The following CAMKK2 variants were observed in gnomAD, a reference collection of about 807,000 sequenced individuals.
The protein encoded by CAMKK2 is calcium/calmodulin dependent protein kinase kinase 2.
A neutral mutation model predicts 67.2 loss-of-function variants in CAMKK2; 30 were observed. The ratio of observed to expected loss-of-function variants is 0.45; its 90% CI spans 0.33 to 0.61. The LOEUF (loss-of-function observed/expected upper bound fraction) is 0.61. CAMKK2 is among the 20% of genes least tolerant of loss of function. The pLI is 0.02. For missense variants in CAMKK2, 643 were observed against 802.0 expected (o/e 0.80, Z 2.39); for synonymous variants, 322 against 326.2 (o/e 0.99, Z 0.14).
intron 1 of CAMKK2, among the ~76,000 whole-genome samples, chr12:121,275,859 A>G (rs892907110): frequency 6.6e-6 from 1 of 152,102 alleles, no homozygotes; most frequent in Non-Finnish European, 1.5e-5. Context: ...ACATGAACTT[A>G]TATCTCAATT....
upstream of CAMKK2, chr12:121,297,295 C>G: frequency 3.9e-6 from 1 of 257,642 alleles, no homozygotes; most frequent in South Asian, 3.9e-5. Context: ...CGCTAGGCGC[C>G]GGGCGGTGGA....
At chr12:121,252,386 A>G (rs1381085811) in intron 11 of CAMKK2, among the ~76,000 whole-genome samples, 1 of 152,232 alleles carries the variant, frequency 6.6e-6, no homozygotes, top group Non-Finnish European at 1.5e-5. Flanking sequence ...CTCCTGCTTC[A>G]GCCTCCAGAG....
rs115657593 is a variant in CAMKK2 at position 121,241,784 on chromosome 12, T to C, written c.1597-915A>G. Among the ~76,000 whole-genome samples the C allele has an allele frequency of 9.6e-3, 1,463 of 152,352 alleles. 18 individuals carry two copies. The highest frequency in any genetic ancestry group is 0.034 in the African/African-American group (1,398 of 41,582). ...AAGGTCCCTGGGGAGGGGGGCGCTG[T>C]AACTAGACGTTAGGTCAGGCCCTCA... On this transcript the variant is annotated intron_variant, in intron 16 of 16. Transcript: ENST00000404169.
chr12:121,285,486 G>A lies in CAMKK2; in HGVS notation c.-59-10901C>T, dbSNP rs769395337. ...CCACTGCACTCCAGCCTGGGCAACAGAGCAGGACCTTATCTAAAAAAGAAA... is the reference window on the plus strand; with the variant it reads ...CCACTGCACTCCAGCCTGGGCAACAAAGCAGGACCTTATCTAAAAAAGAAA... On this transcript the variant is annotated intron_variant, in intron 1 of 16. Coordinates refer to ENST00000404169, the MANE Select transcript of CAMKK2 (RefSeq NM_001270485.2). This position sits in a 1 kb window ranked among gnomAD's most constrained non-coding sequence, Gnocchi z 4.1. Among the ~76,000 whole-genome samples the A allele has an allele frequency of 1.6e-4, 25 of 152,034 alleles. No individual in the cohort carries two copies. Among genetic ancestry groups the A allele is most frequent in the Non-Finnish European group, 2.8e-4 (19 of 68,012 alleles).
Position 121,247,703 on chromosome 12 carries a change from G to A in CAMKK2, c.1452+903C>T, listed in dbSNP as rs565923309. Among the ~76,000 whole-genome samples, 16 of 152,332 alleles carry A rather than the reference G, an allele frequency of 1.1e-4. No individual in the cohort carries two copies. In the East Asian group the frequency reaches 2.9e-3, roughly 28 times the overall value. On this transcript the variant is annotated intron_variant, in intron 14 of 16. Transcript: ENST00000404169. Reference sequence around the variant, plus strand: ...AGGGCTCAGCTTTGGGAGGAGGAGAGAGGAAGTGTGTGGGGAAGCAGAGAA... The same window carrying A: ...AGGGCTCAGCTTTGGGAGGAGGAGAAAGGAAGTGTGTGGGGAAGCAGAGAA...
At chr12:121,274,805 C>CTTTTTTTTTTTTTTTTTTTTTTTTCT (rs140150523) in intron 1 of CAMKK2, among the ~76,000 whole-genome samples, 1 of 132,920 alleles carries the variant, frequency 7.5e-6, no homozygotes, top group African/African-American at 2.8e-5. Context: ...CTTTTTTTTT[C>CTTTTTTTTTTTTTTTTTTTTTTTTCT]TTTTTTTTTT....
rs1297008029 is a variant in CAMKK2 at position 121,240,100 on chromosome 12, GACT to G, written c.*596_*598del. ...AATTTCAAGCCCTTTCTGTTTTCCT[GACT>G]ACAATTCTACCCATAAAAAATTTAA... On this transcript the variant is annotated 3_prime_UTR_variant, in exon 17 of 17. Transcript: ENST00000404169. The surrounding 1 kb of genome is among the most constrained non-coding windows in gnomAD (Gnocchi z 4.4). The G allele has an allele frequency of 8.0e-6, 2 of 249,602 alleles. No individual in the cohort carries two copies. The highest frequency in any genetic ancestry group is 4.5e-5 in the African/African-American group (2 of 44,390). The allele number at this position is 249,602 out of a possible 1,614,324, so 15.5% of individuals were successfully genotyped here.
chr12:121,287,914 C>T (rs754248751), intron 1 of CAMKK2, among the ~76,000 whole-genome samples: 7 of 152,154 alleles, frequency 4.6e-5, no homozygotes, highest in Non-Finnish European at 1.0e-4. Flanking sequence ...TGGGGCTGTA[C>T]TGAGCTATGA....
intron 1 of CAMKK2, among the ~76,000 whole-genome samples, chr12:121,281,538 T>C (rs1371692515): frequency 1.3e-5 from 2 of 152,240 alleles, no homozygotes; most frequent in Non-Finnish European, 2.9e-5. Flanking sequence ...CATTCATTCA[T>C]TTGTTCTTAC....
At chr12:121,279,537 C>T (rs2136503670) in intron 1 of CAMKK2, among the ~76,000 whole-genome samples, 1 of 152,350 alleles carries the variant, frequency 6.6e-6, no homozygotes, top group South Asian at 2.1e-4. Flanking sequence ...ATCAGGCACC[C>T]AGCACGGAGA....
intron 4 of CAMKK2, 104 bp downstream of exon 4, chr12:121,269,423 TA>T: frequency 2.3e-6 from 2 of 870,962 alleles, no homozygotes; most frequent in Non-Finnish European, 3.7e-6. Context: ...GACCTAAGAA[TA>T]AAATGAGACA....
chr12:121,288,294 G>A (rs922049431), intron 1 of CAMKK2, among the ~76,000 whole-genome samples: 3 of 152,164 alleles, frequency 2.0e-5, no homozygotes, highest in African/African-American at 7.2e-5. Flanking sequence ...AAACCCACAG[G>A]CATCGGTGCC....
chr12:121,240,847 G>A lies in CAMKK2; in HGVS notation c.1619C>T (p.Pro540Leu), dbSNP rs758302519. The A allele has an allele frequency of 1.2e-6, 2 of 1,612,396 alleles. No individual in the cohort carries two copies. Among genetic ancestry groups the A allele is most frequent in the African/African-American group, 2.7e-5 (2 of 74,924 alleles). The change falls in exon 17 of 17, where the codon CCT becomes CTT. Residue 540 changes from proline (P) to leucine (L), a missense_variant. Physicochemically the swap from Pro to Leu is moderately conservative, Grantham distance 98. This residue lies in a region of CAMKK2 where 140 missense variants were observed against 124.2 expected (regional missense o/e 1.13). Coordinates refer to ENST00000404169, the MANE Select transcript of CAMKK2 (RefSeq NM_001270485.2). The surrounding 1 kb of genome is among the most constrained non-coding windows in gnomAD (Gnocchi z 4.4). ...ACGGGGGGCGGGTCGGTGCCCTGGA[G>A]GTTGTCTTCGCTGCCTTGCTTCCTG... ...ELKEARQRRQ[P>L]PGHRPAPRGG... is the part of the protein sequence containing the mutation.
At chr12:121,288,782 T>A (rs546101339) in intron 1 of CAMKK2, among the ~76,000 whole-genome samples, 1 of 152,186 alleles carries the variant, frequency 6.6e-6, no homozygotes, top group East Asian at 1.9e-4. Context: ...CAGGTTGGGA[T>A]TAGCATTTTT....
intron 5 of CAMKK2, among the ~76,000 whole-genome samples, chr12:121,267,733 A>T (rs993215389): frequency 6.6e-6 from 1 of 151,544 alleles, no homozygotes; most frequent in East Asian, 1.9e-4. Context: ...ACCTCAAGTG[A>T]TCCACTCGCC....
At chr12:121,259,540 T>G (rs1370181531) in intron 7 of CAMKK2, among the ~76,000 whole-genome samples, 4 of 152,210 alleles carry the variant, frequency 2.6e-5, no homozygotes, top group Non-Finnish European at 5.9e-5. Context: ...ACTTTTGGCA[T>G]ATTGTGATTT....
At chr12:121,246,672 C>T (rs928710656) in intron 14 of CAMKK2, among the ~76,000 whole-genome samples, 1 of 152,144 alleles carries the variant, frequency 6.6e-6, no homozygotes, top group African/African-American at 2.4e-5. Context: ...GCCCACCCTG[C>T]CGCCTCCCCT....
intron 2 of CAMKK2, 139 bp downstream of exon 2, chr12:121,273,917 G>C (rs1896260500): frequency 1.5e-6 from 1 of 655,314 alleles, no homozygotes; most frequent in Non-Finnish European, 2.4e-6. Context: ...CCGCCCCCAA[G>C]GTTCCCTGGA....
chr12:121,268,806 C>G, intron 4 of CAMKK2, 117 bp from the exon 5 acceptor site: 1 of 912,638 alleles, frequency 1.1e-6, no homozygotes, highest in Non-Finnish European at 1.8e-6. Context: ...AGCTCCTGGC[C>G]CCCTGGCAGG....
Sources: gnomAD v4.1 joint callset for allele counts (sites outside exome capture counted in the v4.1 genomes callset) on GRCh38, gnomAD v4.1.1 for gene constraint, gnomAD v4.1.1 regional missense constraint, Gnocchi (gnomAD v3.1) non-coding constraint, MANE v1.5 for transcripts, NCBI Gene and HGNC (gene_info 2026-07-23, HGNC 2026-07-21) for gene names.